LSP1: variants seen among roughly 807,000 people sequenced by gnomAD.
LSP1 encodes lymphocyte-specific protein 1.
In LSP1, 32 loss-of-function variants were observed where a neutral mutation model predicts 49.3. The observed-to-expected ratio is 0.65, with a 90% CI of 0.49 to 0.87. The LOEUF (loss-of-function observed/expected upper bound fraction) is 0.87. Ranked by LOEUF, LSP1 falls within the 40% of genes least tolerant of loss-of-function variation. LSP1 has a pLI of 0.00. For synonymous variants in LSP1, 179 were observed against 178.8 expected (o/e 1.00, Z -0.01); for missense variants, 428 against 442.6 (o/e 0.97, Z 0.30).
At chr11:1,874,075 G>C (rs562752986) in intron 1 of LSP1, among the ~76,000 whole-genome samples, 135 of 118,994 alleles carry the variant, frequency 1.1e-3, no homozygotes, top group African/African-American at 1.6e-3. Context: ...GCCGGCAGAG[G>C]AGGGAGGCCG....
At chr11:1,890,995 G>T (rs1233295181) in intron 10 of LSP1, 6 of 172,348 alleles carry the variant, frequency 3.5e-5, no homozygotes, top group Non-Finnish European at 7.5e-5. Flanking sequence ...CTGGCCAGCT[G>T]CTGGCCAAGC....
intron 1 of LSP1, chr11:1,866,992 C>A (rs1050650818): frequency 3.7e-6 from 5 of 1,356,626 alleles, no homozygotes; most frequent in Non-Finnish European, 4.9e-6. Flanking sequence ...GGGGAGGAGA[C>A]ACTGAAGCCG....
At position 1,881,612 on chromosome 11, in the gene LSP1, G is replaced by A. The variant is rs1191847320; in HGVS notation, c.356+16G>A. ...AAGAGGACAGGTGAGTGAGGGCCTCGAGGGCGGGCGCTGGGCAGAGCAGGG... is the reference window on the plus strand; with the variant it reads ...AAGAGGACAGGTGAGTGAGGGCCTCAAGGGCGGGCGCTGGGCAGAGCAGGG... On this transcript the variant is annotated intron_variant, in intron 3 of 10. Transcript: ENST00000311604. 6.1e-6 allele frequency: 9 copies of A among 1,463,872 alleles called. No homozygotes were observed. In the Admixed American group the frequency reaches 7.3e-5, roughly 12 times the overall value. 90.7% of individuals were successfully genotyped at this position (1,463,872 alleles called of 1,614,324 possible).
rs757755292 is a variant in LSP1, at chr11:1,853,099, A to T, written c.-46A>T. ...ACTGAAAGCCACAGCACGTACACCC[A>T]CTCCAGGGATCTGCCAGCACCCTGT... On this transcript the variant is annotated 5_prime_UTR_variant, in exon 1 of 11. Coordinates refer to ENST00000311604, the MANE Select transcript of LSP1 (RefSeq NM_002339.3). 2 of 1,586,520 alleles carry T rather than the reference A, an allele frequency of 1.3e-6. No individual in the cohort carries two copies. The highest frequency in any genetic ancestry group is 4.5e-5 in the East Asian group (2 of 44,090).
In LSP1 at chr11:1,889,764, C is replaced by T. The variant is rs1228993407; in HGVS notation, c.*14-2009C>T. The T allele has an allele frequency of 1.8e-5, 12 of 650,066 alleles. No homozygotes were observed. In the South Asian group the frequency reaches 1.9e-4, roughly 10 times the overall value. 40.3% of individuals were successfully genotyped at this position (650,066 alleles called of 1,614,324 possible). A position where few individuals can be genotyped will look rare whatever the true frequency, so the allele number is the denominator to read the frequency against. ...GTGCGGTGAGGACTCCAGCGAGCGG[C>T]AGGTCGGGGCTATGGGCACCACAAC... On this transcript the variant is annotated intron_variant, in intron 10 of 10. Coordinates refer to ENST00000311604, the MANE Select transcript of LSP1 (RefSeq NM_002339.3).
chr11:1,866,482 C>T (rs895629191), intron 1 of LSP1: 63 of 1,483,282 alleles, frequency 4.2e-5, no homozygotes, highest in Non-Finnish European at 5.3e-5. Flanking sequence ...GAGATGGCTC[C>T]GATCTGGTCC....
At chr11:1,865,314 G>C (rs1847750825) in intron 1 of LSP1, 2 of 881,068 alleles carry the variant, frequency 2.3e-6, no homozygotes, top group Non-Finnish European at 2.7e-6. Context: ...GGGTGCCCAT[G>C]CTGGGCTGCC....
At chr11:1,859,890 G>A (rs1847582619) in intron 1 of LSP1, among the ~76,000 whole-genome samples, 1 of 152,098 alleles carries the variant, frequency 6.6e-6, no homozygotes, top group East Asian at 1.9e-4. Flanking sequence ...GATCACTCGG[G>A]AGCCAATGAG....
chr11:1,873,813 A>AGCAGAGGAGGGAGGCCG (rs1303390585), intron 1 of LSP1, among the ~76,000 whole-genome samples: 12 of 101,166 alleles, frequency 1.2e-4, no homozygotes, highest in African/African-American at 3.3e-4. Context: ...CAGGGAGCCC[A>AGCAGAGGAGGGAGGCCG]GCAGAGGAGG....
chr11:1,882,780 C>A (rs1291481646), intron 3 of LSP1, among the ~76,000 whole-genome samples: 1 of 152,228 alleles, frequency 6.6e-6, no homozygotes, highest in African/African-American at 2.4e-5. Flanking sequence ...TGGGTCTTGG[C>A]TGGCACGCAC....
At chr11:1,865,171 G>A (rs1847745670) in intron 1 of LSP1, 13 of 985,940 alleles carry the variant, frequency 1.3e-5, no homozygotes, top group Non-Finnish European at 1.6e-5. Context: ...CTGGGGTCAG[G>A]CCAGGTCGCC....
At position 1,884,223 on chromosome 11, in the gene LSP1, G is replaced by A. The variant is rs1200250721; in HGVS notation, c.592-57G>A. The A allele has an allele frequency of 2.2e-5, 35 of 1,597,418 alleles. No homozygotes were observed. Among genetic ancestry groups the A allele is most frequent in the Non-Finnish European group, 2.9e-5 (34 of 1,164,922 alleles). ...TAGTGGTTGGAGTAGCTGGGGAGAT[G>A]GAGGGTGGGCTTTACCTCGGCTGCT... On this transcript the variant is annotated intron_variant, in intron 5 of 10. Coordinates refer to ENST00000311604, the MANE Select transcript of LSP1 (RefSeq NM_002339.3). The surrounding 1 kb of genome is among the most constrained non-coding windows in gnomAD (Gnocchi z 4.1).
chr11:1,870,152 T>G lies in LSP1; in HGVS notation c.54-9935T>G, dbSNP rs558937494. ...TAAACGGGGATGTCTGGACCTCTGG[T>G]GCAGAGGACCAAGGCCGGTCCACTT... On this transcript the variant is annotated intron_variant, in intron 1 of 10. Transcript: ENST00000311604. The G allele has an allele frequency of 7.5e-5, 47 of 626,712 alleles. No individual in the cohort carries two copies. In the Middle Eastern group the frequency reaches 2.1e-3, roughly 28 times the overall value. 38.8% of individuals were successfully genotyped at this position (626,712 alleles called of 1,614,324 possible). A position where few individuals can be genotyped will look rare whatever the true frequency, so the allele number is the denominator to read the frequency against.
intron 3 of LSP1, among the ~76,000 whole-genome samples, chr11:1,883,113 A>T (rs981072431): frequency 1.3e-5 from 2 of 152,210 alleles, no homozygotes; most frequent in Non-Finnish European, 2.9e-5. Context: ...AGGCCCAGCC[A>T]CAAAGCTGGG....
At chr11:1,885,461 A>G (rs1848716741) in intron 7 of LSP1, among the ~76,000 whole-genome samples, 1 of 151,826 alleles carries the variant, frequency 6.6e-6, no homozygotes, top group African/African-American at 2.4e-5. Flanking sequence ...ATTCCCCTCC[A>G]GCCAACCAAA....
chr11:1,866,959 T>A (rs748351287), intron 1 of LSP1: 191 of 1,441,478 alleles, frequency 1.3e-4, no homozygotes, highest in Non-Finnish European at 1.7e-4. Context: ...GGGCCCAGGC[T>A]CGGGGCCAGT....
At chr11:1,882,569 C>T (rs1045863688) in intron 3 of LSP1, among the ~76,000 whole-genome samples, 4 of 152,142 alleles carry the variant, frequency 2.6e-5, no homozygotes, top group South Asian at 4.1e-4. Context: ...GATGGGGCAG[C>T]TCCCTTCTCC....
intron 1 of LSP1, chr11:1,871,079 C>T (rs941724701): frequency 5.1e-6 from 5 of 985,450 alleles, no homozygotes; most frequent in African/African-American, 1.7e-5. Context: ...ACGCTGATCG[C>T]GGAGTGCAGG....
chr11:1,857,682 C>T (rs1199522342), intron 1 of LSP1, among the ~76,000 whole-genome samples: 4 of 152,212 alleles, frequency 2.6e-5, no homozygotes, highest in African/African-American at 9.7e-5. Flanking sequence ...TCTGAAGCCT[C>T]AGTTTCCCCA....
Sources: gnomAD v4.1 joint callset for allele counts (sites outside exome capture counted in the v4.1 genomes callset) on GRCh38, gnomAD v4.1.1 for gene constraint, Gnocchi (gnomAD v3.1) non-coding constraint, MANE v1.5 for transcripts, NCBI Gene and HGNC (gene_info 2026-07-23, HGNC 2026-07-21) for gene names.